The following TMEM108 variants were observed in gnomAD, a reference collection of about 807,000 sequenced individuals.
TMEM108 encodes the protein transmembrane protein 108.
A neutral mutation model predicts 35.1 loss-of-function variants in TMEM108; 12 were observed. The ratio of observed to expected loss-of-function variants is 0.34; its 90% CI spans 0.22 to 0.55. The LOEUF (loss-of-function observed/expected upper bound fraction) is 0.55. TMEM108 is among the 20% of genes least tolerant of loss of function. TMEM108 has a pLI of 0.89. For missense variants in TMEM108, 680 were observed against 753.3 expected (o/e 0.90, Z 1.14); for synonymous variants, 287 against 308.6 (o/e 0.93, Z 0.73).
chr3:133,048,867 G>A (rs1178248701), intron 2 of TMEM108, among the ~76,000 whole-genome samples: 4 of 152,208 alleles, frequency 2.6e-5, no homozygotes, highest in Non-Finnish European at 5.9e-5. Flanking sequence ...TTTGTTAGGA[G>A]TAGGCTGGTG....
chr3:133,156,120 T>G (rs1347062408), intron 2 of TMEM108, among the ~76,000 whole-genome samples: 1 of 146,338 alleles, frequency 6.8e-6, no homozygotes, highest in East Asian at 1.9e-4. Context: ...TTTTGCTATG[T>G]TGCCCAGGCC....
chr3:133,210,273 C>G (rs934380528), intron 2 of TMEM108, among the ~76,000 whole-genome samples: 8 of 152,136 alleles, frequency 5.3e-5, no homozygotes, highest in East Asian at 1.9e-4. Flanking sequence ...TCCTACATTC[C>G]TTCAGGGAGT....
intron 3 of TMEM108, among the ~76,000 whole-genome samples, chr3:133,281,048 C>T (rs1188433400): frequency 1.3e-5 from 2 of 152,182 alleles, no homozygotes; most frequent in Non-Finnish European, 2.9e-5. Flanking sequence ...ATAAACTTCA[C>T]CTCTTGATGG....
chr3:133,200,943 G>A (rs1350476629), intron 2 of TMEM108, among the ~76,000 whole-genome samples: 2 of 152,162 alleles, frequency 1.3e-5, no homozygotes, highest in Admixed American at 1.3e-4. Context: ...AGAATTTATA[G>A]AACATTTCTA....
intron 3 of TMEM108, among the ~76,000 whole-genome samples, chr3:133,258,409 C>T (rs1473234429): frequency 6.6e-6 from 1 of 152,220 alleles, no homozygotes; most frequent in Non-Finnish European, 1.5e-5. Flanking sequence ...GGCAGGAAAG[C>T]ATACCATGTG....
chr3:133,209,637 T>A (rs948486346), intron 2 of TMEM108, among the ~76,000 whole-genome samples: 1 of 152,180 alleles, frequency 6.6e-6, no homozygotes, highest in South Asian at 2.1e-4. Context: ...CTCTGTGCAG[T>A]TGGCTATGGT....
At position 133,381,036 on chromosome 3, in the gene TMEM108, G is replaced by C; in HGVS notation, c.1325G>C (p.Gly442Ala). The C allele has an allele frequency of 6.2e-7, 1 of 1,614,186 alleles. No individual in the cohort carries two copies. Among genetic ancestry groups the C allele is most frequent in the Non-Finnish European group, 8.5e-7 (1 of 1,180,022 alleles). The change falls in exon 4 of 6, where the codon GGG becomes GCG. Residue 442 changes from glycine (G) to alanine (A), a missense_variant. Coordinates refer to ENST00000321871, the MANE Select transcript of TMEM108 (RefSeq NM_023943.4). The part of the protein sequence containing the change: ...RLVPAGTWKP[G>A]TAGNISHVAE... ...GTCCCCGCCGGGACCTGGAAGCCTG[G>C]GACAGCAGGGAACATCTCCCATGTG...
At chr3:133,276,742 G>C (rs1318624068) in intron 3 of TMEM108, among the ~76,000 whole-genome samples, 1 of 152,162 alleles carries the variant, frequency 6.6e-6, no homozygotes, top group Non-Finnish European at 1.5e-5. Context: ...ATTAAGAGGT[G>C]CCAAGAGGAA....
chr3:133,093,131 A>G (rs900353430), intron 2 of TMEM108, among the ~76,000 whole-genome samples: 3 of 152,040 alleles, frequency 2.0e-5, no homozygotes, highest in Non-Finnish European at 4.4e-5. Flanking sequence ...CTAGGGCTAC[A>G]GGAGTGTGCC....
At position 133,397,115 on chromosome 3, in the gene TMEM108, C is replaced by G. The variant is rs1008212497; in HGVS notation, c.*1129C>G. ...CTTGTTCCCGGCCGGCTGGCTGCCT[C>G]CCCGTGCTGTGTCCAGCACGGCCAA... On this transcript the variant is annotated 3_prime_UTR_variant, in exon 6 of 6. Transcript: ENST00000321871. 8 of 152,170 alleles carry G rather than the reference C, an allele frequency of 5.3e-5. No homozygotes were observed. The highest frequency in any genetic ancestry group is 1.9e-4 in the African/African-American group (8 of 41,446). 9.4% of individuals were successfully genotyped at this position (152,170 alleles called of 1,614,324 possible). A position where few individuals can be genotyped will look rare whatever the true frequency, so the allele number is the denominator to read the frequency against.
intron 3 of TMEM108, among the ~76,000 whole-genome samples, chr3:133,313,929 C>G (rs1010983691): frequency 1.3e-5 from 2 of 152,014 alleles, no homozygotes; most frequent in Non-Finnish European, 2.9e-5. Context: ...AGGATTTTCC[C>G]TAATGCATGG....
chr3:133,181,755 A>G (rs548068454), intron 2 of TMEM108, among the ~76,000 whole-genome samples: 18 of 152,350 alleles, frequency 1.2e-4, no homozygotes, highest in African/African-American at 4.3e-4. Flanking sequence ...ATTAATTATC[A>G]TCATGTTAAT....
rs536428925 is a variant in TMEM108 at position 133,179,992 on chromosome 3, C to A, written c.-46-49274C>A. On this transcript the variant is annotated intron_variant, in intron 2 of 5. Coordinates refer to ENST00000321871, the MANE Select transcript of TMEM108 (RefSeq NM_023943.4). ...GAAAAACATATAACTTAAAATATCTCGAAAACCATTATGAATATAGGTTCA... is the reference window on the plus strand; with the variant it reads ...GAAAAACATATAACTTAAAATATCTAGAAAACCATTATGAATATAGGTTCA... Among the ~76,000 whole-genome samples the A allele has an allele frequency of 6.6e-5, 10 of 151,710 alleles. No individual in the cohort carries two copies. In the South Asian group the frequency reaches 2.1e-3, roughly 32 times the overall value.
intron 2 of TMEM108, among the ~76,000 whole-genome samples, chr3:133,141,237 G>A (rs2107755968): frequency 6.6e-6 from 1 of 152,240 alleles, no homozygotes; most frequent in South Asian, 2.1e-4. Context: ...GTTGAAGCAG[G>A]CCCACAGCTG....
chr3:133,119,246 AAG>A (rs992527200), intron 2 of TMEM108: 2 of 151,994 alleles, frequency 1.3e-5, no homozygotes, highest in Non-Finnish European at 2.9e-5. Flanking sequence ...GAAAAAAAAA[AAG>A]AGGGAAAAAA....
At chr3:133,101,011 T>A (rs961584598) in intron 2 of TMEM108, among the ~76,000 whole-genome samples, 1 of 152,246 alleles carries the variant, frequency 6.6e-6, no homozygotes, top group Non-Finnish European at 1.5e-5. Context: ...CATTGTCACA[T>A]ACACATGTGA....
chr3:133,229,294 G>A lies in TMEM108; in HGVS notation c.-18G>A. 6.2e-7 allele frequency: 1 copy of A among 1,610,516 alleles called. No homozygotes were observed. The highest frequency in any genetic ancestry group is 8.5e-7 in the Non-Finnish European group (1 of 1,178,326). ...GAATCATGAATAAACTGGAGGATAA[G>A]CAGGACCAGATGATACCATGAAGAG... On this transcript the variant is annotated 5_prime_UTR_variant, in exon 3 of 6. Transcript: ENST00000321871.
intron 2 of TMEM108, among the ~76,000 whole-genome samples, chr3:133,228,003 G>A (rs185976803): frequency 6.6e-6 from 1 of 152,276 alleles, no homozygotes; most frequent in East Asian, 1.9e-4. Flanking sequence ...AGAGACAATA[G>A]ATTAATGGTT....
chr3:133,299,607 C>T (rs1310482728), intron 3 of TMEM108, among the ~76,000 whole-genome samples: 1 of 152,200 alleles, frequency 6.6e-6, no homozygotes, highest in Admixed American at 6.5e-5. Flanking sequence ...AAAATTGTCA[C>T]AGGTCCTGAT....
Sources: gnomAD v4.1 joint callset for allele counts (sites outside exome capture counted in the v4.1 genomes callset) on GRCh38, gnomAD v4.1.1 for gene constraint, MANE v1.5 for transcripts, NCBI Gene and HGNC (gene_info 2026-07-23, HGNC 2026-07-21) for gene names.